The following EPM2A variants were observed in gnomAD, a reference collection of about 807,000 sequenced individuals.
The protein encoded by EPM2A is laforin.
EPM2A carries 21 observed loss-of-function variants against 26.5 expected under a neutral mutation model. The observed-to-expected ratio is 0.79, with a 90% CI of 0.56 to 1.14. EPM2A has a LOEUF of 1.14. Among genes scored for constraint, EPM2A ranks in the 50% most tolerant of loss-of-function variants. The pLI is 0.00. For missense variants in EPM2A, 458 were observed against 440.8 expected (o/e 1.04, Z -0.35); for synonymous variants, 217 against 177.6 (o/e 1.22, Z -1.76).
intron 4 of EPM2A, among the ~76,000 whole-genome samples, chr6:145,419,958 T>C (rs1242692500): frequency 6.6e-6 from 1 of 152,180 alleles, no homozygotes; most frequent in African/African-American, 2.4e-5. Context: ...AAATATATTT[T>C]ATTAAGGGCT....
intron 2 of EPM2A, among the ~76,000 whole-genome samples, chr6:145,656,415 A>C (rs1209458571): frequency 6.6e-6 from 1 of 152,192 alleles, no homozygotes; most frequent in Non-Finnish European, 1.5e-5. Context: ...TGCAAACCTC[A>C]CCACAGGAGA....
At chr6:145,605,316 G>A (rs960772890) in intron 2 of EPM2A, among the ~76,000 whole-genome samples, 14 of 152,056 alleles carry the variant, frequency 9.2e-5, no homozygotes, top group Non-Finnish European at 5.9e-5. Flanking sequence ...GGCTTAGCAT[G>A]TTCTTACCTG....
chr6:145,393,783 A>G (rs1778368619), intron 4 of EPM2A, among the ~76,000 whole-genome samples: 1 of 151,978 alleles, frequency 6.6e-6, no homozygotes, highest in Non-Finnish European at 1.5e-5. Flanking sequence ...TAACCAAACC[A>G]TAAAAATGGT....
In EPM2A at chr6:145,625,871, G is replaced by A. The variant is rs974130544; in HGVS notation, c.*1545C>T. 4.8e-5 allele frequency: 71 copies of A among 1,493,540 alleles called. No individual in the cohort carries two copies. The highest frequency in any genetic ancestry group is 6.3e-5 in the Non-Finnish European group (71 of 1,119,146). 92.5% of individuals were successfully genotyped at this position (1,493,540 alleles called of 1,614,324 possible). A position where few individuals can be genotyped will look rare whatever the true frequency, so the allele number is the denominator to read the frequency against. On this transcript the variant is annotated 3_prime_UTR_variant, in exon 4 of 4. Transcript: ENST00000367519. ...TTGCATCTATCAATATGTGTTTGTGGAAGAAAGGAAGGTGCAGAAAAATAA... is the reference window on the plus strand; with the variant it reads ...TTGCATCTATCAATATGTGTTTGTGAAAGAAAGGAAGGTGCAGAAAAATAA...
chr6:145,574,367 A>G (rs1245975092), intron 2 of EPM2A, among the ~76,000 whole-genome samples: 2 of 152,182 alleles, frequency 1.3e-5, no homozygotes, highest in African/African-American at 4.8e-5. Context: ...CCATTATGGT[A>G]GCTACACCCA....
chr6:145,497,214 A>G (rs994499235), downstream of EPM2A, among the ~76,000 whole-genome samples: 20 of 152,150 alleles, frequency 1.3e-4, no homozygotes, highest in Admixed American at 3.3e-4. Flanking sequence ...TCTACCATCA[A>G]TCTTTGGGAT....
At chr6:145,430,744 A>G (rs1474905959) in intron 4 of EPM2A, among the ~76,000 whole-genome samples, 1 of 152,196 alleles carries the variant, frequency 6.6e-6, no homozygotes, top group African/African-American at 2.4e-5. Context: ...AAAGCAGTGA[A>G]TTTGCTCCTC....
At chr6:145,551,321 G>A (rs1780652981) in intron 2 of EPM2A, among the ~76,000 whole-genome samples, 1 of 151,978 alleles carries the variant, frequency 6.6e-6, no homozygotes, top group Non-Finnish European at 1.5e-5. Flanking sequence ...GGTTGCCAAG[G>A]CTGACTTTGC....
intron 2 of EPM2A, among the ~76,000 whole-genome samples, chr6:145,510,842 A>C (rs1364635114): frequency 6.6e-6 from 1 of 152,032 alleles, no homozygotes; most frequent in African/African-American, 2.4e-5. Flanking sequence ...CAAGATTGAC[A>C]GACCACTAGC....
intron 2 of EPM2A, among the ~76,000 whole-genome samples, chr6:145,583,431 C>CCT (rs1429054437): frequency 6.6e-6 from 1 of 152,132 alleles, no homozygotes; most frequent in African/African-American, 2.4e-5. Context: ...GTTCATGGCT[C>CCT]GGCTCAGCAC....
chr6:145,428,438 G>C (rs1226002324), intron 4 of EPM2A, among the ~76,000 whole-genome samples: 1 of 151,994 alleles, frequency 6.6e-6, no homozygotes, highest in Non-Finnish European at 1.5e-5. Flanking sequence ...CCTTCCCAAC[G>C]AGCGGTTAAT....
chr6:145,450,214 G>A (rs942705973), intron 4 of EPM2A, among the ~76,000 whole-genome samples: 13 of 151,670 alleles, frequency 8.6e-5, no homozygotes, highest in Admixed American at 3.3e-4. Flanking sequence ...TTAGCTGGGC[G>A]TGGTGGCGGG....
Position 145,635,459 on chromosome 6 carries a change from G to A in EPM2A, c.504C>T (p.Ser168=). ...TTACATGTTCCACCTGACGAGGGCAGCTACCCAGCCAGATATTTGGTAGAA... is the reference window on the plus strand; with the variant it reads ...TTACATGTTCCACCTGACGAGGGCAACTACCCAGCCAGATATTTGGTAGAA... The part of the protein sequence containing the change: ...SRILPNIWLG[S]CPRQVEHVTI... Residue 168 remains serine, a synonymous_variant, in exon 3 of 4, where the codon AGC becomes AGT. Coordinates refer to ENST00000367519, the MANE Select transcript of EPM2A (RefSeq NM_005670.4). 2 of 1,613,930 alleles carry A rather than the reference G, an allele frequency of 1.2e-6. No homozygotes were observed. The highest frequency in any genetic ancestry group is 2.2e-5 in the South Asian group (2 of 91,078).
intron 1 of EPM2A, among the ~76,000 whole-genome samples, chr6:145,691,117 C>G (rs748404989): frequency 6.6e-6 from 1 of 151,970 alleles, no homozygotes; most frequent in African/African-American, 2.4e-5. Context: ...GAAAACTTTT[C>G]AAATTTGGCA....
chr6:145,450,000 G>T (rs1039951188), intron 4 of EPM2A, among the ~76,000 whole-genome samples: 3 of 151,840 alleles, frequency 2.0e-5, no homozygotes, highest in Admixed American at 6.6e-5. Context: ...ATATTATATA[G>T]CTATTATAAT....
intron 4 of EPM2A, among the ~76,000 whole-genome samples, chr6:145,403,013 C>T (rs1345225833): frequency 1.3e-5 from 2 of 152,076 alleles, no homozygotes; most frequent in African/African-American, 2.4e-5. Flanking sequence ...TGTAACTTTC[C>T]TCAAACCTGA....
intron 2 of EPM2A, chr6:145,637,512 T>C (rs1776784935): frequency 6.6e-6 from 1 of 152,140 alleles, no homozygotes; most frequent in African/African-American, 2.4e-5. Context: ...TAAAGGGTTA[T>C]TAGGAATTTC....
At chr6:145,465,298 C>T (rs1221180234) in intron 4 of EPM2A, among the ~76,000 whole-genome samples, 5 of 150,830 alleles carry the variant, frequency 3.3e-5, no homozygotes, top group Non-Finnish European at 5.9e-5. Context: ...ACGTAGTTCT[C>T]GAGCCTTGGT....
chr6:145,714,870 A>T (rs566360902), intron 1 of EPM2A, among the ~76,000 whole-genome samples: 2 of 152,346 alleles, frequency 1.3e-5, no homozygotes, highest in South Asian at 4.1e-4. Flanking sequence ...ACATGTGGGA[A>T]TTCAAGATGA....
Sources: allele counts gnomAD v4.1 joint callset (sites outside exome capture counted in the v4.1 genomes callset), GRCh38; gene constraint gnomAD v4.1.1; transcripts MANE v1.5; gene names NCBI Gene and HGNC (gene_info 2026-07-23, HGNC 2026-07-21).